Variants in CSMD3 observed in about 807,000 individuals in gnomAD.
The protein encoded by CSMD3 is CUB and Sushi multiple domains 3.
Under a neutral mutation model 435.2 loss-of-function variants are expected in CSMD3, and 177 were observed. The observed-to-expected ratio is 0.41, with a 90% CI of 0.36 to 0.46. The LOEUF is 0.46. Among genes scored for constraint, CSMD3 ranks in the 20% least tolerant of loss-of-function variants. CSMD3 has a pLI of 0.34. For missense variants in CSMD3, 4,265 were observed against 4,504.6 expected (o/e 0.95, Z 1.52); for synonymous variants, 1,656 against 1,520.5 (o/e 1.09, Z -2.07).
chr8:113,189,659 T>C lies in CSMD3; in HGVS notation c.515-15743A>G, dbSNP rs567683184. 5.9e-5 allele frequency among the ~76,000 whole-genome samples: 9 copies of C among 151,988 alleles called. No individual in the cohort carries two copies. The South Asian group carries it at 1.7e-3, about 28-fold the overall frequency. ...TCTATAATGGTATATATCTCCAAAC[T>C]GTTTCTGAATGACAATAACTGAGTT... On this transcript the variant is annotated intron_variant, in intron 3 of 70. Coordinates refer to ENST00000297405, the MANE Select transcript of CSMD3 (RefSeq NM_198123.2).
At chr8:112,602,225 A>C in intron 22 of CSMD3, among the ~76,000 whole-genome samples, 1 of 152,210 alleles carries the variant, frequency 6.6e-6, no homozygotes, top group East Asian at 1.9e-4. Context: ...GCACATTTAA[A>C]GAAAAGTTTA....
intron 5 of CSMD3, among the ~76,000 whole-genome samples, chr8:113,075,337 G>C (rs951612575): frequency 6.6e-6 from 1 of 151,606 alleles, no homozygotes; most frequent in Non-Finnish European, 1.5e-5. Context: ...TTATTTGGGG[G>C]GAAAGCATTA....
intron 1 of CSMD3, among the ~76,000 whole-genome samples, chr8:113,385,319 A>G (rs1005447820): frequency 2.6e-5 from 4 of 152,096 alleles, no homozygotes; most frequent in Non-Finnish European, 5.9e-5. Context: ...AGCATTCCGG[A>G]CAAATAAAAA....
chr8:112,830,704 A>G (rs139478757), intron 11 of CSMD3, among the ~76,000 whole-genome samples: 137 of 152,080 alleles, frequency 9.0e-4, no homozygotes, highest in African/African-American at 3.2e-3. Flanking sequence ...AGTAATATTT[A>G]TAACTATTTG....
At chr8:112,909,926 T>C (rs1261922468) in intron 10 of CSMD3, among the ~76,000 whole-genome samples, 1 of 151,812 alleles carries the variant, frequency 6.6e-6, no homozygotes, top group Non-Finnish European at 1.5e-5. Flanking sequence ...GTGACCTCAC[T>C]GCATCAAACT....
chr8:113,010,367 G>A (rs1417992149), intron 6 of CSMD3, among the ~76,000 whole-genome samples: 1 of 151,732 alleles, frequency 6.6e-6, no homozygotes, highest in Admixed American at 6.6e-5. Flanking sequence ...TAAGAAAGCT[G>A]ACTTTTATTC....
intron 2 of CSMD3, among the ~76,000 whole-genome samples, chr8:113,280,792 T>C (rs2093607721): frequency 1.3e-5 from 2 of 151,854 alleles, no homozygotes; most frequent in Admixed American, 6.6e-5. Context: ...TAGGCACTTA[T>C]GGCTATGAAC....
intron 64 of CSMD3, 24 bp from the exon 65 acceptor site, chr8:112,244,597 G>A (rs761208967): frequency 1.9e-6 from 3 of 1,606,672 alleles, no homozygotes; most frequent in Non-Finnish European, 2.6e-6. Flanking sequence ...AGAGAACAAT[G>A]TAAATTTTCT....
At chr8:112,260,134 A>G (rs2130340391) in intron 61 of CSMD3, among the ~76,000 whole-genome samples, 1 of 152,372 alleles carries the variant, frequency 6.6e-6, no homozygotes, top group Middle Eastern at 3.4e-3. Context: ...ATGAGAAAAC[A>G]TACTTTAAGC....
At chr8:112,952,584 A>G (rs952727475) in intron 8 of CSMD3, among the ~76,000 whole-genome samples, 3 of 151,596 alleles carry the variant, frequency 2.0e-5, no homozygotes, top group African/African-American at 7.2e-5. Flanking sequence ...TTTTGAAATG[A>G]GTTATTAAAT....
intron 6 of CSMD3, among the ~76,000 whole-genome samples, chr8:112,987,816 G>T (rs1237888225): frequency 5.9e-5 from 9 of 151,944 alleles, no homozygotes; most frequent in Non-Finnish European, 2.9e-5. Context: ...CCCTCGGCAG[G>T]ATTTTCATGC....
At chr8:112,808,177 CA>C (rs1304260657) in intron 12 of CSMD3, among the ~76,000 whole-genome samples, 7 of 152,216 alleles carry the variant, frequency 4.6e-5, no homozygotes, top group African/African-American at 1.7e-4. Flanking sequence ...TTAATGTCTA[CA>C]AAAAGTAAGA....
intron 1 of CSMD3, among the ~76,000 whole-genome samples, chr8:113,395,757 C>A (rs555390404): frequency 2.6e-5 from 4 of 152,152 alleles, no homozygotes; most frequent in Admixed American, 6.5e-5. Flanking sequence ...AATTACAGAG[C>A]CTTCTGCCAT....
At chr8:112,749,852 CT>C (rs2077526442) in intron 13 of CSMD3, among the ~76,000 whole-genome samples, 1 of 136,288 alleles carries the variant, frequency 7.3e-6, no homozygotes, top group Admixed American at 7.2e-5. Context: ...CAAAAGAAGA[CT>C]AAAATATTTC....
At chr8:113,250,911 T>C (rs2093329186) in intron 3 of CSMD3, among the ~76,000 whole-genome samples, 1 of 151,932 alleles carries the variant, frequency 6.6e-6, no homozygotes, top group Admixed American at 6.6e-5. Flanking sequence ...GAATTGGGCA[T>C]TCAAAAAATA....
intron 9 of CSMD3, among the ~76,000 whole-genome samples, chr8:112,923,894 C>T (rs7818598): frequency 0.86 from 130,605 of 152,142 alleles, 56,385 homozygotes; most frequent in African/African-American, 0.94. Flanking sequence ...AAAATATTCT[C>T]TGTCAGGATA....
intron 41 of CSMD3, among the ~76,000 whole-genome samples, chr8:112,345,826 C>T (rs1260334807): frequency 6.6e-6 from 1 of 151,352 alleles, no homozygotes; most frequent in African/African-American, 2.4e-5. Context: ...TAAATATGTA[C>T]AATTTTTATT....
chr8:113,314,469 T>A (rs2093894377), intron 2 of CSMD3, 102 bp downstream of exon 2: 3 of 744,160 alleles, frequency 4.0e-6, no homozygotes, highest in South Asian at 3.0e-5. Context: ...TGAATACAAC[T>A]TTATTATAAT....
At chr8:112,494,057 T>C (rs1300846021) in intron 30 of CSMD3, among the ~76,000 whole-genome samples, 2 of 152,108 alleles carry the variant, frequency 1.3e-5, no homozygotes, top group African/African-American at 4.8e-5. Context: ...TAATTAACTA[T>C]ACCAGTAAGA....
Sources: gnomAD v4.1 joint callset for allele counts (sites outside exome capture counted in the v4.1 genomes callset) on GRCh38, gnomAD v4.1.1 for gene constraint, MANE v1.5 for transcripts, NCBI Gene and HGNC (gene_info 2026-07-23, HGNC 2026-07-21) for gene names.